Variants in FHOD3 observed in about 807,000 individuals in gnomAD.
The protein encoded by FHOD3 is FH1/FH2 domain-containing protein 3.
FHOD3 carries 90 observed loss-of-function variants against 173.0 expected under a neutral mutation model. The observed-to-expected ratio is 0.52, with a 90% CI of 0.44 to 0.62. The LOEUF (loss-of-function observed/expected upper bound fraction) is 0.62. Ranked by LOEUF, FHOD3 falls within the 20% of genes least tolerant of loss-of-function variation. FHOD3 has a pLI of 0.00. For missense variants in FHOD3, 1,945 were observed against 2,034.7 expected, an observed-to-expected ratio of 0.96 and a Z score of 0.85; for synonymous variants, 828 against 823.0, an observed-to-expected ratio of 1.01 and a Z score of -0.10.
intron 3 of FHOD3, among the ~76,000 whole-genome samples, chr18:36,474,126 T>C (rs746273569): frequency 5.9e-5 from 9 of 152,160 alleles, no homozygotes; most frequent in African/African-American, 2.2e-4. Flanking sequence ...CTACTACTTA[T>C]GCATCATAGA....
intron 19 of FHOD3, among the ~76,000 whole-genome samples, chr18:36,727,650 G>A (rs771175123): frequency 6.6e-6 from 1 of 152,098 alleles, no homozygotes; most frequent in Admixed American, 6.5e-5. Flanking sequence ...GACTTAGAGG[G>A]GTGTGTGCAG....
intron 20 of FHOD3, among the ~76,000 whole-genome samples, chr18:36,735,073 G>A (rs1311149983): frequency 6.6e-6 from 1 of 152,148 alleles, no homozygotes; most frequent in Non-Finnish European, 1.5e-5. Flanking sequence ...ATAAATGGAA[G>A]TATGACGATT....
At position 36,742,852 on chromosome 18, in the gene FHOD3, C is replaced by G. The variant is rs1276781510; in HGVS notation, c.3875C>G (p.Thr1292Ser). The G allele has an allele frequency of 6.2e-7, 1 of 1,612,058 alleles. No individual in the cohort carries two copies. Reference protein sequence around the residue: ...LLAIGNFLNGTNAKAFELSYL... With the variant: ...LLAIGNFLNGSNAKAFELSYL... ...GCCATTGGGAACTTTCTAAATGGAA[C>G]TAATGTAAGTCATCCCCATCCCTCA... The change falls in exon 22 of 29, where the codon ACT becomes AGT. Residue 1292 changes from threonine (T) to serine (S), a missense_variant. Physicochemically the swap from Thr to Ser is moderately conservative, Grantham distance 58 (BLOSUM62 1). Transcript: ENST00000590592.
At chr18:36,309,339 T>C (rs947309412) in intron 1 of FHOD3, among the ~76,000 whole-genome samples, 4 of 152,196 alleles carry the variant, frequency 2.6e-5, no homozygotes, top group African/African-American at 9.6e-5. Flanking sequence ...GCAGCAGCTC[T>C]GATTAATGGG....
intron 4 of FHOD3, among the ~76,000 whole-genome samples, chr18:36,510,224 A>C (rs918647032): frequency 3.3e-5 from 5 of 152,328 alleles, no homozygotes; most frequent in Non-Finnish European, 5.9e-5. Context: ...GAAAATTCTG[A>C]AATGCAGCAA....
At chr18:36,646,540 A>G (rs2035694975) in intron 10 of FHOD3, among the ~76,000 whole-genome samples, 2 of 152,214 alleles carry the variant, frequency 1.3e-5, no homozygotes, top group Admixed American at 6.5e-5. Flanking sequence ...ATCTACAAAT[A>G]TATATCTTAA....
intron 14 of FHOD3, among the ~76,000 whole-genome samples, chr18:36,675,514 T>G (rs1047712813): frequency 2.0e-5 from 3 of 152,148 alleles, no homozygotes; most frequent in Non-Finnish European, 4.4e-5. Flanking sequence ...ATGACTATGA[T>G]TAACTCAGCC....
intron 10 of FHOD3, among the ~76,000 whole-genome samples, chr18:36,639,969 C>T (rs2035190633): frequency 1.3e-5 from 2 of 152,096 alleles, no homozygotes; most frequent in South Asian, 4.1e-4. Context: ...TGTTTGTACT[C>T]TGCAGACTTG....
chr18:36,377,647 G>A (rs984964302), intron 3 of FHOD3, among the ~76,000 whole-genome samples: 1 of 152,212 alleles, frequency 6.6e-6, no homozygotes, highest in African/African-American at 2.4e-5. Flanking sequence ...GGTGATGCGT[G>A]TGTGCTCGGG....
At chr18:36,622,050 G>T (rs1438496777) in intron 9 of FHOD3, among the ~76,000 whole-genome samples, 2 of 152,122 alleles carry the variant, frequency 1.3e-5, no homozygotes, top group African/African-American at 4.8e-5. Context: ...GGATGAACTT[G>T]TAGGACATTT....
intron 14 of FHOD3, among the ~76,000 whole-genome samples, chr18:36,667,625 A>G (rs2037265232): frequency 1.3e-5 from 2 of 152,162 alleles, no homozygotes; most frequent in African/African-American, 2.4e-5. Context: ...TATGGTAAAA[A>G]TACAGTATTA....
intron 20 of FHOD3, among the ~76,000 whole-genome samples, chr18:36,737,729 C>G (rs1430796938): frequency 2.6e-5 from 4 of 152,228 alleles, no homozygotes; most frequent in Non-Finnish European, 5.9e-5. Context: ...TCTTCAAGCC[C>G]AGGACCTCAT....
chr18:36,377,602 G>A (rs918881698), intron 3 of FHOD3, among the ~76,000 whole-genome samples: 1 of 152,220 alleles, frequency 6.6e-6, no homozygotes. Context: ...TGAGGCCCAT[G>A]GAGCACTGTG....
intron 19 of FHOD3, among the ~76,000 whole-genome samples, chr18:36,721,021 C>A (rs76301574): frequency 0.043 from 6,478 of 152,274 alleles, 197 homozygotes; most frequent in East Asian, 0.092. Context: ...CCCTCCTTCT[C>A]TTGGTCCCAC....
intron 3 of FHOD3, among the ~76,000 whole-genome samples, chr18:36,410,137 A>T (rs1195503733): frequency 6.6e-6 from 1 of 152,094 alleles, no homozygotes; most frequent in East Asian, 1.9e-4. Context: ...CAAAAAAAAC[A>T]CCACACCTAT....
In FHOD3 at chr18:36,383,250, G is replaced by A. The variant is rs546153988; in HGVS notation, c.337+10506G>A. Among the ~76,000 whole-genome samples the A allele has an allele frequency of 9.2e-5, 14 of 152,260 alleles. No homozygotes were observed. In the East Asian group the frequency reaches 2.3e-3, roughly 25 times the overall value. On this transcript the variant is annotated intron_variant, in intron 3 of 28. Transcript: ENST00000590592. ...AGGGGCGAGGGAATTTTGGTCTGAG[G>A]ATTCTGTCTGAAAGCAGAGTTGGTG...
intron 3 of FHOD3, among the ~76,000 whole-genome samples, chr18:36,424,234 TC>T (rs1267934302): frequency 6.6e-6 from 1 of 152,242 alleles, no homozygotes; most frequent in East Asian, 1.9e-4. Context: ...CACTTTGGTT[TC>T]TTCACAGTAC....
At chr18:36,736,384 T>C (rs1203993520) in intron 20 of FHOD3, among the ~76,000 whole-genome samples, 1 of 152,230 alleles carries the variant, frequency 6.6e-6, no homozygotes, top group African/African-American at 2.4e-5. Flanking sequence ...TGACAGCCTT[T>C]AGCGCCCGCA....
intron 5 of FHOD3, among the ~76,000 whole-genome samples, chr18:36,559,805 C>G (rs1243443567): frequency 6.6e-6 from 1 of 152,092 alleles, no homozygotes; most frequent in Non-Finnish European, 1.5e-5. Context: ...ATTGCTAGGG[C>G]CCCTCCCAAG....
Sources: gnomAD v4.1 joint callset for allele counts (sites outside exome capture counted in the v4.1 genomes callset) on GRCh38, gnomAD v4.1.1 for gene constraint, MANE v1.5 for transcripts, NCBI Gene and HGNC (gene_info 2026-07-23, HGNC 2026-07-21) for gene names.